NEGR1: variants seen among roughly 807,000 people sequenced by gnomAD.
The protein encoded by NEGR1 is neuronal growth regulator 1, also known as IgLON family member 4.
In NEGR1, 10 loss-of-function variants were observed where a neutral mutation model predicts 40.9. The observed-to-expected ratio is 0.24, with a 90% CI of 0.15 to 0.42. NEGR1 has a LOEUF of 0.42. Ranked by LOEUF, NEGR1 falls within the 10% of genes least tolerant of loss-of-function variation. The probability of loss-of-function intolerance (pLI) is 1.00; values close to 1 mark genes in which losing one functional copy is unlikely to be tolerated. For missense variants in NEGR1, 352 were observed against 438.9 expected (o/e 0.80, Z 1.77); for synonymous variants, 185 against 166.8 (o/e 1.11, Z -0.84).
chr1:72,126,127 G>A (rs1279716212), intron 1 of NEGR1, among the ~76,000 whole-genome samples: 1 of 150,168 alleles, frequency 6.7e-6, no homozygotes, highest in Non-Finnish European at 1.5e-5. Context: ...GTGTGTGTGT[G>A]TGTGTGTGAA....
intron 6 of NEGR1, among the ~76,000 whole-genome samples, chr1:71,504,066 A>G (rs1031701975): frequency 6.7e-6 from 1 of 149,986 alleles, no homozygotes; most frequent in African/African-American, 2.5e-5. Context: ...GAAAAAGAGG[A>G]AACACCCTCT....
intron 3 of NEGR1, among the ~76,000 whole-genome samples, chr1:71,706,365 A>T (rs1331385412): frequency 6.6e-6 from 1 of 152,122 alleles, no homozygotes; most frequent in Non-Finnish European, 1.5e-5. Context: ...CTAAGGGCCA[A>T]AATGCTTTCA....
chr1:72,179,712 T>C (rs1057270307), intron 1 of NEGR1, among the ~76,000 whole-genome samples: 5 of 151,878 alleles, frequency 3.3e-5, no homozygotes, highest in African/African-American at 4.8e-5. Flanking sequence ...ACAAAACCAA[T>C]AGACAAAAAT....
chr1:72,103,732 C>T (rs1157346139), intron 1 of NEGR1, among the ~76,000 whole-genome samples: 3 of 151,970 alleles, frequency 2.0e-5, no homozygotes, highest in African/African-American at 2.4e-5. Context: ...TTTTCTCTTT[C>T]TCCCACTTTT....
chr1:72,139,211 G>C (rs962755120), intron 1 of NEGR1, among the ~76,000 whole-genome samples: 1 of 145,062 alleles, frequency 6.9e-6, no homozygotes, highest in African/African-American at 2.5e-5. Flanking sequence ...GAAAGGGTCT[G>C]AACCAAATGA....
chr1:72,158,243 C>T (rs1372657610), intron 1 of NEGR1, among the ~76,000 whole-genome samples: 2 of 152,124 alleles, frequency 1.3e-5, no homozygotes, highest in Non-Finnish European at 2.9e-5. Flanking sequence ...AAAAGACATC[C>T]TGAGGAATAT....
intron 6 of NEGR1, among the ~76,000 whole-genome samples, chr1:71,590,736 G>A (rs1026619405): frequency 6.6e-6 from 1 of 152,144 alleles, no homozygotes; most frequent in Non-Finnish European, 1.5e-5. Context: ...GTCTGTTTCA[G>A]AGTAAGCTAA....
chr1:71,724,275 C>T (rs994961070), intron 3 of NEGR1, among the ~76,000 whole-genome samples: 5 of 152,058 alleles, frequency 3.3e-5, no homozygotes, highest in Admixed American at 1.3e-4. Context: ...GTGGATCACA[C>T]CATACATCGT....
At chr1:71,915,857 T>G (rs188676232) in intron 2 of NEGR1, among the ~76,000 whole-genome samples, 31 of 152,284 alleles carry the variant, frequency 2.0e-4, no homozygotes, top group Non-Finnish European at 3.5e-4. Context: ...CCTCATGTGG[T>G]TTACCTTTGA....
intron 1 of NEGR1, among the ~76,000 whole-genome samples, chr1:72,200,499 A>T (rs1653165699): frequency 6.6e-6 from 1 of 151,880 alleles, no homozygotes; most frequent in Non-Finnish European, 1.5e-5. Context: ...GCAACAATAG[A>T]TATTGTAGAC....
intron 1 of NEGR1, among the ~76,000 whole-genome samples, chr1:72,065,279 A>T (rs999517534): frequency 1.3e-5 from 2 of 151,986 alleles, no homozygotes; most frequent in African/African-American, 4.8e-5. Flanking sequence ...CTGCTTTTGA[A>T]TCTCCCAATT....
chr1:72,035,480 T>A (rs1184477524), intron 1 of NEGR1, among the ~76,000 whole-genome samples: 2 of 152,326 alleles, frequency 1.3e-5, no homozygotes, highest in East Asian at 3.9e-4. Flanking sequence ...CTTGAATGTT[T>A]GTTTAAATTC....
chr1:71,837,261 T>C (rs1659071360), intron 2 of NEGR1, among the ~76,000 whole-genome samples: 1 of 152,112 alleles, frequency 6.6e-6, no homozygotes, highest in Non-Finnish European at 1.5e-5. Context: ...CTGACACTAT[T>C]CTAGGCATGT....
chr1:71,673,423 G>A (rs1414071), intron 4 of NEGR1, among the ~76,000 whole-genome samples: 2,747 of 108,476 alleles, frequency 0.025, 59 homozygotes, highest in African/African-American at 0.073. Flanking sequence ...GTCTGACACT[G>A]AAGATACACA....
chr1:71,567,115 G>C (rs575692426), intron 6 of NEGR1, among the ~76,000 whole-genome samples: 7 of 152,290 alleles, frequency 4.6e-5, no homozygotes, highest in South Asian at 2.1e-4. Context: ...TGGAGGAAAA[G>C]AGTGAAACTG....
At chr1:71,922,688 C>G (rs1342121924) in intron 2 of NEGR1, among the ~76,000 whole-genome samples, 1 of 152,064 alleles carries the variant, frequency 6.6e-6, no homozygotes, top group African/African-American at 2.4e-5. Flanking sequence ...AAGAAAGGAC[C>G]TATATGTACA....
intron 2 of NEGR1, among the ~76,000 whole-genome samples, chr1:71,813,113 T>C (rs1658063635): frequency 6.6e-6 from 1 of 152,040 alleles, no homozygotes; most frequent in Admixed American, 6.6e-5. Flanking sequence ...TTTTTATAAG[T>C]TGTATGGAAG....
chr1:71,743,265 T>G (rs1655273922), intron 3 of NEGR1, among the ~76,000 whole-genome samples: 1 of 152,154 alleles, frequency 6.6e-6, no homozygotes, highest in African/African-American at 2.4e-5. Context: ...TACAGAATAT[T>G]TTTCTTGAGG....
chr1:72,134,720 AATTT>A, intron 1 of NEGR1, among the ~76,000 whole-genome samples: 1 of 150,580 alleles, frequency 6.6e-6, no homozygotes, highest in East Asian at 2.0e-4. Flanking sequence ...AAAGATATTT[AATTT>A]ATTTATTTAT....
Sources: allele counts gnomAD v4.1 joint callset (sites outside exome capture counted in the v4.1 genomes callset), GRCh38; gene constraint gnomAD v4.1.1; transcripts MANE v1.5; gene names NCBI Gene and HGNC (gene_info 2026-07-23, HGNC 2026-07-21).